The following NACC2 variants were observed in gnomAD, a reference collection of about 807,000 sequenced individuals.
NACC2 encodes the protein nucleus accumbens-associated protein 2.
NACC2 carries 8 observed loss-of-function variants against 25.1 expected under a neutral mutation model. The ratio of observed to expected loss-of-function variants is 0.32; its 90% CI spans 0.19 to 0.57. The LOEUF (loss-of-function observed/expected upper bound fraction) is 0.57. Ranked by LOEUF, NACC2 falls within the 20% of genes least tolerant of loss-of-function variation. The probability of loss-of-function intolerance (pLI) is 0.89; values close to 1 mark genes in which losing one functional copy is unlikely to be tolerated. For missense variants in NACC2, 644 were observed against 650.2 expected, an observed-to-expected ratio of 0.99 and a Z score of 0.10; for synonymous variants, 435 against 294.7, an observed-to-expected ratio of 1.48 and a Z score of -4.88.
At chr9:136,079,588 G>A (rs531959959) in intron 1 of NACC2, among the ~76,000 whole-genome samples, 1 of 152,256 alleles carries the variant, frequency 6.6e-6, no homozygotes, top group East Asian at 1.9e-4. Context: ...GAGTGGAAAG[G>A]CCACTTGGCC....
chr9:136,037,930 T>G (rs1327497758), intron 2 of NACC2, among the ~76,000 whole-genome samples: 1 of 152,198 alleles, frequency 6.6e-6, no homozygotes, highest in Admixed American at 6.5e-5. Flanking sequence ...AGTTCATAAT[T>G]ATTAAAAACC....
At chr9:136,030,382 G>A (rs1236914409) in intron 2 of NACC2, among the ~76,000 whole-genome samples, 1 of 152,078 alleles carries the variant, frequency 6.6e-6, no homozygotes, top group Non-Finnish European at 1.5e-5. Context: ...GGCCAAGGCA[G>A]GCAGATCACG....
chr9:136,008,476 A>G lies in NACC2; in HGVS notation c.*3040T>C, dbSNP rs1370844810. The stretch of plus-strand genomic sequence containing the variant: ...TTCTATATAGGATATGCGTATTGCT[A>G]ATAGTCAGGCTTAGGGATAAAGGTG... On this transcript the variant is annotated 3_prime_UTR_variant, in exon 6 of 6. Coordinates refer to ENST00000277554, the MANE Select transcript of NACC2 (RefSeq NM_144653.5). 2 of 152,334 alleles carry G rather than the reference A, an allele frequency of 1.3e-5. No homozygotes were observed. Among genetic ancestry groups the G allele is most frequent in the Non-Finnish European group, 2.9e-5 (2 of 68,100 alleles). 9.4% of individuals were successfully genotyped at this position (152,334 alleles called of 1,614,324 possible).
At chr9:136,042,737 CACAG>C (rs1840656585) in intron 2 of NACC2, among the ~76,000 whole-genome samples, 1 of 150,514 alleles carries the variant, frequency 6.6e-6, no homozygotes, top group Non-Finnish European at 1.5e-5. Context: ...CACAGACACA[CACAG>C]ACACAGAGAC....
At chr9:136,028,067 C>T (rs1840419837) in intron 2 of NACC2, among the ~76,000 whole-genome samples, 1 of 152,140 alleles carries the variant, frequency 6.6e-6, no homozygotes, top group South Asian at 2.1e-4. Flanking sequence ...CGAGACCAGC[C>T]TGGCCAACAT....
intron 1 of NACC2, among the ~76,000 whole-genome samples, chr9:136,070,729 A>G (rs1409910944): frequency 6.6e-5 from 10 of 151,512 alleles, no homozygotes; most frequent in African/African-American, 2.4e-4. Context: ...TGATAAAAAT[A>G]AGAACATAAA....
At chr9:136,075,665 C>T (rs1463243521) in intron 1 of NACC2, among the ~76,000 whole-genome samples, 2 of 152,232 alleles carry the variant, frequency 1.3e-5, no homozygotes, top group Non-Finnish European at 2.9e-5. Context: ...TGTGCTGATG[C>T]TGTCCTGAGC....
At chr9:136,066,493 C>T (rs184261365) in intron 1 of NACC2, among the ~76,000 whole-genome samples, 15 of 152,190 alleles carry the variant, frequency 9.9e-5, no homozygotes, top group African/African-American at 3.1e-4. Context: ...ATCAAAAAGA[C>T]AGAAAACAAA....
intron 1 of NACC2, among the ~76,000 whole-genome samples, chr9:136,082,017 C>A (rs11103319): frequency 0.53 from 80,923 of 151,336 alleles, 23,018 homozygotes; most frequent in South Asian, 0.67. Flanking sequence ...TCTGCCCTGG[C>A]CAGGGCCTCC....
At chr9:136,080,842 G>C (rs1011474095) in intron 1 of NACC2, among the ~76,000 whole-genome samples, 9 of 152,120 alleles carry the variant, frequency 5.9e-5, no homozygotes, top group Non-Finnish European at 1.3e-4. Context: ...GCCTGTGCCC[G>C]GCGCAAACTC....
At chr9:136,012,841 C>T (rs893807088) in intron 5 of NACC2, among the ~76,000 whole-genome samples, 3 of 152,306 alleles carry the variant, frequency 2.0e-5, no homozygotes, top group Non-Finnish European at 2.9e-5. Context: ...CGCCCCCACA[C>T]GCCCAAGAGC....
At chr9:136,036,253 A>T (rs1279302005) in intron 2 of NACC2, among the ~76,000 whole-genome samples, 1 of 152,178 alleles carries the variant, frequency 6.6e-6, no homozygotes, top group East Asian at 1.9e-4. Context: ...CAACGTCATG[A>T]CTCATTATTG....
rs1840758864 is a variant in NACC2, at chr9:136,048,251, G to A, written c.886+1385C>T. Among the ~76,000 whole-genome samples, 4 of 152,180 alleles carry A rather than the reference G, an allele frequency of 2.6e-5. No individual in the cohort carries two copies. In the South Asian group the frequency reaches 8.3e-4, roughly 31 times the overall value. ...TGGGAGCCTTCCCCAGCAGCCTCTG[G>A]CTGGTCCCCTGCCTTCCCTGGGGTG... On this transcript the variant is annotated intron_variant, in intron 2 of 5. Transcript: ENST00000277554.
At chr9:136,060,735 A>G (rs1296689085) in intron 1 of NACC2, among the ~76,000 whole-genome samples, 1 of 152,168 alleles carries the variant, frequency 6.6e-6, no homozygotes, top group African/African-American at 2.4e-5. Flanking sequence ...GCCGGTGAGC[A>G]CGGAGCCATC....
At chr9:136,069,949 G>A (rs1195816487) in intron 1 of NACC2, among the ~76,000 whole-genome samples, 1 of 151,856 alleles carries the variant, frequency 6.6e-6, no homozygotes, top group Non-Finnish European at 1.5e-5. Context: ...AACATCAGCA[G>A]GATCTAACTG....
chr9:136,021,832 G>T (rs1840299645), intron 2 of NACC2, among the ~76,000 whole-genome samples: 1 of 152,210 alleles, frequency 6.6e-6, no homozygotes, highest in South Asian at 2.1e-4. Context: ...CTGTTACACA[G>T]AAGACGTAAA....
intron 2 of NACC2, among the ~76,000 whole-genome samples, chr9:136,030,285 T>A (rs901201086): frequency 6.6e-6 from 1 of 152,104 alleles, no homozygotes; most frequent in Admixed American, 6.5e-5. Context: ...AGGAGGCTCA[T>A]CCCTGTTGTA....
Position 136,013,745 on chromosome 9 carries a change from T to A in NACC2, c.1157+119A>T. 1 of 874,766 alleles carries A rather than the reference T, an allele frequency of 1.1e-6. No individual in the cohort carries two copies. Among genetic ancestry groups the A allele is most frequent in the South Asian group, 1.7e-5 (1 of 58,292 alleles). The allele number at this position is 874,766 out of a possible 1,614,324, so 54.2% of individuals were successfully genotyped here. A position where few individuals can be genotyped will look rare whatever the true frequency, so the allele number is the denominator to read the frequency against. On this transcript the variant is annotated intron_variant, in intron 4 of 5. Transcript: ENST00000277554. This position sits in a 1 kb window ranked among gnomAD's most constrained non-coding sequence, Gnocchi z 6.6. ...TGGGGCCGACCGGCCACGGCTGAAG[T>A]CAGGAATGCGAGAGGGCTTTCAATG...
At chr9:136,036,115 T>C (rs1278815234) in intron 2 of NACC2, among the ~76,000 whole-genome samples, 1 of 152,178 alleles carries the variant, frequency 6.6e-6, no homozygotes, top group Non-Finnish European at 1.5e-5. Context: ...CAATTCACAG[T>C]GTAGAACGTG....
Sources: gnomAD v4.1 joint callset for allele counts (sites outside exome capture counted in the v4.1 genomes callset) on GRCh38, gnomAD v4.1.1 for gene constraint, Gnocchi (gnomAD v3.1) non-coding constraint, MANE v1.5 for transcripts, NCBI Gene and HGNC (gene_info 2026-07-23, HGNC 2026-07-21) for gene names.